Variants in PAPPA2 observed in about 807,000 individuals in gnomAD.
PAPPA2 encodes pappalysin-2.
A neutral mutation model predicts 176.4 loss-of-function variants in PAPPA2; 86 were observed. The observed-to-expected ratio is 0.49, with a 90% confidence interval of 0.41 to 0.58. The LOEUF (loss-of-function observed/expected upper bound fraction) is 0.58. PAPPA2 is among the 20% of genes least tolerant of loss of function. The pLI is 0.00. For synonymous variants in PAPPA2, 809 were observed against 852.2 expected, an observed-to-expected ratio of 0.95 and a Z score of 0.88; for missense variants, 2,073 against 2,256.9, an observed-to-expected ratio of 0.92 and a Z score of 1.65.
chr1:176,690,081 G>T, intron 4 of PAPPA2, 56 bp from the exon 5 acceptor site: 1 of 1,423,680 alleles, frequency 7.0e-7, no homozygotes, highest in Non-Finnish European at 9.6e-7. Flanking sequence ...CATAATTAAG[G>T]ATTGGAGAGC....
At chr1:176,631,967 A>G (rs1573160983) in intron 3 of PAPPA2, among the ~76,000 whole-genome samples, 1 of 152,196 alleles carries the variant, frequency 6.6e-6, no homozygotes, top group South Asian at 2.1e-4. Context: ...AAGCAAAAGG[A>G]GAAAGGATAG....
At chr1:176,532,801 C>T (rs902102155) in intron 1 of PAPPA2, among the ~76,000 whole-genome samples, 1 of 152,196 alleles carries the variant, frequency 6.6e-6, no homozygotes, top group African/African-American at 2.4e-5. Flanking sequence ...TCTCGGCTCC[C>T]TAGATCCACC....
At chr1:176,583,941 G>A (rs1192090084) in intron 2 of PAPPA2, among the ~76,000 whole-genome samples, 1 of 152,160 alleles carries the variant, frequency 6.6e-6, no homozygotes, top group African/African-American at 2.4e-5. Context: ...TATAGTCCCA[G>A]CTACTTGAGA....
intron 1 of PAPPA2, among the ~76,000 whole-genome samples, chr1:176,512,712 A>G (rs901518646): frequency 6.6e-6 from 1 of 152,178 alleles, no homozygotes; most frequent in African/African-American, 2.4e-5. Flanking sequence ...TATATGTCAA[A>G]ACTTATTGAA....
chr1:176,479,251 A>C (rs1652275248), intron 1 of PAPPA2, among the ~76,000 whole-genome samples: 1 of 152,160 alleles, frequency 6.6e-6, no homozygotes, highest in Non-Finnish European at 1.5e-5. Flanking sequence ...GAGAGAGTGT[A>C]AGGCAGCAGC....
chr1:176,781,846 T>C (rs886384561), intron 17 of PAPPA2, among the ~76,000 whole-genome samples: 47 of 152,202 alleles, frequency 3.1e-4, no homozygotes, highest in Non-Finnish European at 6.0e-4. Context: ...TACCACACTG[T>C]GTGTAGTAAG....
chr1:176,617,596 G>A (rs1239885235), intron 3 of PAPPA2, among the ~76,000 whole-genome samples: 1 of 152,040 alleles, frequency 6.6e-6, no homozygotes, highest in Non-Finnish European at 1.5e-5. Context: ...CTAGGTTGCT[G>A]TGAATGCCAT....
chr1:176,820,888 A>G (rs1012159414), intron 21 of PAPPA2, among the ~76,000 whole-genome samples: 34 of 152,206 alleles, frequency 2.2e-4, no homozygotes, highest in African/African-American at 7.2e-4. Context: ...AATGTACGAT[A>G]CTTCATGCAT....
intron 3 of PAPPA2, among the ~76,000 whole-genome samples, chr1:176,634,657 A>C (rs1443962868): frequency 1.4e-4 from 21 of 151,792 alleles, no homozygotes; most frequent in Non-Finnish European, 2.9e-4. Flanking sequence ...AAATGCATTG[A>C]TTTTGGGAGT....
chr1:176,595,818 G>A (rs898114802), intron 3 of PAPPA2, among the ~76,000 whole-genome samples: 6 of 152,188 alleles, frequency 3.9e-5, no homozygotes, highest in Non-Finnish European at 8.8e-5. Flanking sequence ...CTCACTGTTT[G>A]TGGGGCAGAA....
chr1:176,779,523 G>C (rs1025368460), intron 17 of PAPPA2, among the ~76,000 whole-genome samples: 254 of 134,434 alleles, frequency 1.9e-3, no homozygotes, highest in African/African-American at 3.4e-3. Flanking sequence ...CACACACAGA[G>C]AGAGAGAGAG....
In PAPPA2 at chr1:176,605,865, A is replaced by G. The variant is rs569055849; in HGVS notation, c.1991+10270A>G. 2.0e-4 allele frequency among the ~76,000 whole-genome samples: 31 copies of G among 152,196 alleles called. 1 individual carries two copies. In the South Asian group the frequency reaches 6.2e-3, roughly 31 times the overall value. On this transcript the variant is annotated intron_variant, in intron 3 of 22. Coordinates refer to ENST00000367662, the MANE Select transcript of PAPPA2 (RefSeq NM_020318.3). Reference sequence around the variant, plus strand: ...GCTGGTTTTTCATCTTTACTACTTGAGGATGAAGCTTCTGACATGTTTAAT... The same window carrying G: ...GCTGGTTTTTCATCTTTACTACTTGGGGATGAAGCTTCTGACATGTTTAAT...
intron 2 of PAPPA2, among the ~76,000 whole-genome samples, chr1:176,579,068 T>G (rs1652813040): frequency 6.6e-6 from 1 of 152,188 alleles, no homozygotes; most frequent in South Asian, 2.1e-4. Flanking sequence ...CTATCTGGTC[T>G]TGTGGTCAGG....
intron 1 of PAPPA2, among the ~76,000 whole-genome samples, chr1:176,524,154 T>G (rs953741147): frequency 6.6e-6 from 1 of 151,392 alleles, no homozygotes; most frequent in African/African-American, 2.4e-5. Context: ...GTTTTCAGAC[T>G]TTTTTTTTCA....
intron 14 of PAPPA2, among the ~76,000 whole-genome samples, chr1:176,756,496 AG>A (rs1269258200): frequency 1.3e-5 from 2 of 152,220 alleles, no homozygotes; most frequent in African/African-American, 4.8e-5. Context: ...TCTGCTTCCC[AG>A]GGCAAGTGCT....
At chr1:176,786,337 A>G (rs1394916785) in intron 17 of PAPPA2, among the ~76,000 whole-genome samples, 2 of 151,990 alleles carry the variant, frequency 1.3e-5, no homozygotes, top group Non-Finnish European at 2.9e-5. Context: ...GAAAGTCAGA[A>G]GTGTCTGGTG....
chr1:176,628,384 A>G (rs969563259), intron 3 of PAPPA2, among the ~76,000 whole-genome samples: 2 of 152,206 alleles, frequency 1.3e-5, no homozygotes, highest in Admixed American at 1.3e-4. Flanking sequence ...ATATCTTTCA[A>G]TTAATGAACT....
At position 176,723,040 on chromosome 1, in the gene PAPPA2, T is replaced by C. The variant is rs1374869640; in HGVS notation, c.3798+11059T>C. 2.6e-5 allele frequency among the ~76,000 whole-genome samples: 4 copies of C among 152,192 alleles called. No homozygotes were observed. The East Asian group carries it at 7.7e-4, about 29-fold the overall frequency. ...GAAGTCTAAGAGCATGGTGCTGGCA[T>C]CTGCTCAACATCGGGTGAAAGCCTT... On this transcript the variant is annotated intron_variant, in intron 12 of 22. Coordinates refer to ENST00000367662, the MANE Select transcript of PAPPA2 (RefSeq NM_020318.3).
At chr1:176,787,276 C>T (rs190478907) in intron 17 of PAPPA2, among the ~76,000 whole-genome samples, 1 of 151,962 alleles carries the variant, frequency 6.6e-6, no homozygotes, top group African/African-American at 2.4e-5. Context: ...TCTGTATCAC[C>T]TGGGCTGGAG....
Sources: allele counts gnomAD v4.1 joint callset (sites outside exome capture counted in the v4.1 genomes callset), GRCh38; gene constraint gnomAD v4.1.1; transcripts MANE v1.5; gene names NCBI Gene and HGNC (gene_info 2026-07-23, HGNC 2026-07-21).